Variants in CYSLTR2 observed in about 807,000 individuals in gnomAD.
CYSLTR2 encodes the protein cysteinyl leukotriene receptor 2.
For missense variants in CYSLTR2, 398 were observed against 411.9 expected, an observed-to-expected ratio of 0.97 and a Z score of 0.29; for synonymous variants, 179 against 160.8, an observed-to-expected ratio of 1.11 and a Z score of -0.86.
chr13:48,667,271 TG>T (rs1953288082), intron 1 of CYSLTR2, among the ~76,000 whole-genome samples: 1 of 152,244 alleles, frequency 6.6e-6, no homozygotes, highest in African/African-American at 2.4e-5. Context: ...GTAAAGGGAA[TG>T]TGTGTACACA....
intron 1 of CYSLTR2, among the ~76,000 whole-genome samples, chr13:48,684,076 A>G (rs1336671763): frequency 6.6e-6 from 1 of 152,014 alleles, no homozygotes; most frequent in Non-Finnish European, 1.5e-5. Context: ...ACACCACCAT[A>G]CCTGGCTAAT....
chr13:48,707,644 T>TG lies in CYSLTR2; in HGVS notation c.830dup (p.Leu278PhefsTer8). 2 of 1,613,920 alleles carry TG rather than the reference T, an allele frequency of 1.2e-6. No individual in the cohort carries two copies. The highest frequency in any genetic ancestry group is 1.7e-6 in the Non-Finnish European group (2 of 1,180,008). Reference sequence around the variant, plus strand: ...ACCGTCCACTTGACGACATGGAAAGTGGGTTTATGCAAAGACAGACTGCAT... The same window carrying TG: ...ACCGTCCACTTGACGACATGGAAAGTGGGGTTTATGCAAAGACAGACTGCAT... On this transcript the variant is annotated frameshift_variant, in exon 5 of 5. Transcript: ENST00000682523. LOFTEE classifies it low-confidence loss of function (END_TRUNC).
At chr13:48,663,793 T>A (rs977588757) in intron 1 of CYSLTR2, among the ~76,000 whole-genome samples, 2 of 152,104 alleles carry the variant, frequency 1.3e-5, no homozygotes, top group Non-Finnish European at 2.9e-5. Flanking sequence ...TTTGACTTCT[T>A]TCTCTTGAAT....
rs869282546 is a variant in CYSLTR2, at chr13:48,695,068, A to ATTTTTTTTTTTTTTTTTTTTTTTTTT, written c.-102-1457_-102-1432dup. On this transcript the variant is annotated intron_variant, in intron 3 of 4. Transcript: ENST00000682523. ...AGACCATGGTATATCAGAACCTGGC[A>ATTTTTTTTTTTTTTTTTTTTTTTTTT]TTTTTTTTTTTTTTTTTTTTTTTTT... is the stretch of plus-strand genomic sequence containing the variant. Among the ~76,000 whole-genome samples the ATTTTTTTTTTTTTTTTTTTTTTTTTT allele has an allele frequency of 1.5e-4, 11 of 71,608 alleles. 2 individuals carry two copies. The highest frequency in any genetic ancestry group is 6.2e-4 in the African/African-American group (10 of 16,252). The allele number at this position is 71,608 out of a possible 152,430, so 47.0% of individuals were successfully genotyped here. A position where few individuals can be genotyped will look rare whatever the true frequency, so the allele number is the denominator to read the frequency against.
At chr13:48,671,160 G>T (rs1290634047) in intron 1 of CYSLTR2, among the ~76,000 whole-genome samples, 1 of 152,222 alleles carries the variant, frequency 6.6e-6, no homozygotes, top group Non-Finnish European at 1.5e-5. Flanking sequence ...GTGCTTATCA[G>T]CTTAAAGAGT....
At chr13:48,688,343 G>T (rs189524000) in intron 1 of CYSLTR2, among the ~76,000 whole-genome samples, 43 of 152,210 alleles carry the variant, frequency 2.8e-4, no homozygotes, top group Non-Finnish European at 3.4e-4. Context: ...AGGCCATGGT[G>T]GTTTGCTGCA....
chr13:48,663,621 T>C (rs74860038), intron 1 of CYSLTR2, among the ~76,000 whole-genome samples: 17,923 of 152,060 alleles, frequency 0.12, 1,594 homozygotes, highest in African/African-American at 0.24. Flanking sequence ...GATTGCCCTC[T>C]TGATATTTTT....
intron 4 of CYSLTR2, among the ~76,000 whole-genome samples, chr13:48,698,020 G>T (rs1166359937): frequency 1.3e-5 from 2 of 152,162 alleles, no homozygotes; most frequent in African/African-American, 4.8e-5. Context: ...GGAGGACTAT[G>T]TGAAAAGACC....
At chr13:48,663,937 A>G in intron 1 of CYSLTR2, among the ~76,000 whole-genome samples, 1 of 151,960 alleles carries the variant, frequency 6.6e-6, no homozygotes, top group East Asian at 1.9e-4. Flanking sequence ...AACTTTTTCT[A>G]ATTTAGTAAG....
chr13:48,690,054 CTTGT>C (rs1460484782), intron 1 of CYSLTR2, among the ~76,000 whole-genome samples: 1 of 151,806 alleles, frequency 6.6e-6, no homozygotes, highest in African/African-American at 2.4e-5. Flanking sequence ...TAGCTCTCTG[CTTGT>C]TTATTATTGG....
rs192474682 is a variant in CYSLTR2 at position 48,707,233 on chromosome 13, C to T, written c.416C>T (p.Ala139Val). 6.2e-7 allele frequency: 1 copy of T among 1,614,096 alleles called. No homozygotes were observed. The highest frequency in any genetic ancestry group is 1.7e-5 in the Admixed American group (1 of 60,028). ...GTGCTGAGTGTTGTGCGTTTCCTGG[C>T]AATGGTTCACCCCTTTCGGCTTCTG... ...LTVLSVVRFL[A>V]MVHPFRLLHV... Residue 139 changes from alanine (A) to valine (V), a missense_variant, in exon 5 of 5, where the codon GCA becomes GTA. By Grantham distance (64) the Ala-to-Val change is moderately conservative (BLOSUM62 0). Transcript: ENST00000682523.
At chr13:48,664,476 CTCTT>C (rs1246639158) in intron 1 of CYSLTR2, among the ~76,000 whole-genome samples, 1 of 151,814 alleles carries the variant, frequency 6.6e-6, no homozygotes, top group Non-Finnish European at 1.5e-5. Flanking sequence ...TTTTGGGAGA[CTCTT>C]TATTACTGAT....
At chr13:48,699,688 T>C (rs1954289133) in intron 4 of CYSLTR2, among the ~76,000 whole-genome samples, 2 of 150,338 alleles carry the variant, frequency 1.3e-5, no homozygotes, top group African/African-American at 5.0e-5. Context: ...CTGAAGGAAA[T>C]AGAGACACAA....
chr13:48,703,596 C>A (rs1159302353), intron 4 of CYSLTR2, among the ~76,000 whole-genome samples: 1 of 152,022 alleles, frequency 6.6e-6, no homozygotes, highest in African/African-American at 2.4e-5. Flanking sequence ...TGGTATAATT[C>A]TTTTCATATA....
chr13:48,675,925 C>G (rs916392797), intron 1 of CYSLTR2, among the ~76,000 whole-genome samples: 3 of 152,210 alleles, frequency 2.0e-5, no homozygotes, highest in African/African-American at 7.2e-5. Flanking sequence ...CCTTGCACTT[C>G]CCAGGTGAGG....
At chr13:48,694,090 G>A (rs919848562) in intron 3 of CYSLTR2, among the ~76,000 whole-genome samples, 9 of 152,158 alleles carry the variant, frequency 5.9e-5, no homozygotes, top group Non-Finnish European at 1.3e-4. Context: ...GGTCTGTAAG[G>A]GTGGCACTTG....
At chr13:48,669,062 A>G (rs1035343977) in intron 1 of CYSLTR2, among the ~76,000 whole-genome samples, 9 of 152,120 alleles carry the variant, frequency 5.9e-5, no homozygotes, top group African/African-American at 2.2e-4. Context: ...AAATGCTGCA[A>G]TAAACATGTG....
At chr13:48,670,147 G>C (rs1953383774) in intron 1 of CYSLTR2, among the ~76,000 whole-genome samples, 1 of 152,122 alleles carries the variant, frequency 6.6e-6, no homozygotes, top group Non-Finnish European at 1.5e-5. Flanking sequence ...TTGTAAACTT[G>C]TTTAAGTTCC....
intron 1 of CYSLTR2, among the ~76,000 whole-genome samples, chr13:48,688,640 CT>C (rs1283098729): frequency 1.3e-5 from 2 of 152,206 alleles, no homozygotes; most frequent in Non-Finnish European, 2.9e-5. Flanking sequence ...GCCACATTTT[CT>C]TTATCTAGTC....
Sources: allele counts gnomAD v4.1 joint callset (sites outside exome capture counted in the v4.1 genomes callset), GRCh38; gene constraint gnomAD v4.1.1; transcripts MANE v1.5; gene names NCBI Gene and HGNC (gene_info 2026-07-23, HGNC 2026-07-21).